Variants in NIBAN3 observed in about 807,000 individuals in gnomAD.
NIBAN3 encodes protein Niban 3.
Under a neutral mutation model 76.4 loss-of-function variants are expected in NIBAN3, and 66 were observed. The ratio of observed to expected loss-of-function variants is 0.86; its 90% CI spans 0.71 to 1.06. The LOEUF is 1.06. Among genes scored for constraint, NIBAN3 ranks in the 50% least tolerant of loss-of-function variants. The pLI is 0.00. For missense variants in NIBAN3, 808 were observed against 810.7 expected, an observed-to-expected ratio of 1.00 and a Z score of 0.04; for synonymous variants, 360 against 355.2, an observed-to-expected ratio of 1.01 and a Z score of -0.15.
chr19:17,527,289 G>A lies in NIBAN3; in HGVS notation c.-52G>A, dbSNP rs1391945774. On this transcript the variant is annotated 5_prime_UTR_variant, in exon 1 of 15. Transcript: ENST00000599164. ...TCCAGGTGCCCCTGAGCCGAGGAAC[G>A]CAGGCGGTGGTCGTGGGGAAGGGAA... is the stretch of plus-strand genomic sequence containing the variant. 1.0e-5 allele frequency: 16 copies of A among 1,550,540 alleles called. No individual in the cohort carries two copies. The highest frequency in any genetic ancestry group is 2.4e-5 in the East Asian group (1 of 40,910).
At chr19:17,539,307 T>G in intron 6 of NIBAN3, 40 bp from the exon 7 acceptor site, 1 of 1,560,694 alleles carries the variant, frequency 6.4e-7, no homozygotes, top group Non-Finnish European at 8.7e-7. Flanking sequence ...CCCAGGACCC[T>G]CCCGGCCGAC....
Position 17,549,531 on chromosome 19 carries a change from G to C in NIBAN3, c.1750+4G>C, listed in dbSNP as rs1286321786. 1.2e-6 allele frequency: 2 copies of C among 1,611,316 alleles called. No homozygotes were observed. Among genetic ancestry groups the C allele is most frequent in the South Asian group, 1.1e-5 (1 of 91,018 alleles). The stretch of plus-strand genomic sequence containing the variant: ...CCATGGGAACAGGAGGGAGCAGGTG[G>C]GGAACTTCACAGGCTTCTGAAACAT... On this transcript the variant is annotated splice_donor_region_variant and intron_variant, in intron 14 of 14. Transcript: ENST00000599164.
At chr19:17,535,583 A>C (rs550982755) in intron 4 of NIBAN3, among the ~76,000 whole-genome samples, 1 of 152,284 alleles carries the variant, frequency 6.6e-6, no homozygotes, top group East Asian at 1.9e-4. Flanking sequence ...CCCCACCTCT[A>C]CTAAAAATAC....
intron 1 of NIBAN3, among the ~76,000 whole-genome samples, chr19:17,530,056 C>CAA (rs201479668): frequency 0.02 from 2,779 of 139,974 alleles, 67 homozygotes; most frequent in African/African-American, 0.051. Flanking sequence ...CACCCTGTCT[C>CAA]AAAAAAAAGA....
intron 9 of NIBAN3, 71 bp downstream of exon 9, chr19:17,540,653 A>C: frequency 1.7e-6 from 2 of 1,165,186 alleles, no homozygotes; most frequent in Middle Eastern, 2.1e-4. Flanking sequence ...CCTGTGGAGA[A>C]TCTTCACTGA....
intron 2 of NIBAN3, among the ~76,000 whole-genome samples, chr19:17,531,383 T>C (rs987812115): frequency 1.4e-5 from 2 of 147,912 alleles, no homozygotes; most frequent in African/African-American, 5.0e-5. Context: ...AACCATTCAC[T>C]GAGCATGTAA....
intron 8 of NIBAN3, 31 bp from the exon 9 acceptor site, chr19:17,540,361 G>A: frequency 7.1e-7 from 1 of 1,409,602 alleles, no homozygotes; most frequent in Non-Finnish European, 9.3e-7. Flanking sequence ...CCTTGCGGAG[G>A]GGACTCCAGA....
intron 9 of NIBAN3, among the ~76,000 whole-genome samples, chr19:17,541,539 T>C (rs1438865273): frequency 1.3e-5 from 2 of 152,200 alleles, no homozygotes; most frequent in African/African-American, 4.8e-5. Context: ...TTCACAGATC[T>C]GGGCCAGGAA....
chr19:17,523,850 G>A (rs534896557), upstream of NIBAN3, among the ~76,000 whole-genome samples: 7 of 152,252 alleles, frequency 4.6e-5, no homozygotes, highest in South Asian at 6.2e-4. Flanking sequence ...CCCGCTGCCC[G>A]GTATCTCCTT....
upstream of NIBAN3, among the ~76,000 whole-genome samples, chr19:17,526,066 CACTTT>C (rs1424113619): frequency 2.7e-5 from 4 of 149,582 alleles, no homozygotes; most frequent in Non-Finnish European, 5.9e-5. Flanking sequence ...AAAAAAAGAA[CACTTT>C]AGGAGGTCAA....
chr19:17,547,101 C>T (rs1213626630), intron 13 of NIBAN3, among the ~76,000 whole-genome samples: 9 of 151,838 alleles, frequency 5.9e-5, no homozygotes, highest in Admixed American at 5.3e-4. Flanking sequence ...ACCTGTAATC[C>T]CAGCACTTTG....
chr19:17,529,842 T>C (rs2075680284), intron 1 of NIBAN3, among the ~76,000 whole-genome samples: 1 of 152,144 alleles, frequency 6.6e-6, no homozygotes, highest in Non-Finnish European at 1.5e-5. Flanking sequence ...GGAGGATTGC[T>C]TGAGGCCAGG....
upstream of NIBAN3, among the ~76,000 whole-genome samples, chr19:17,525,090 C>G (rs992701841): frequency 6.6e-6 from 1 of 152,192 alleles, no homozygotes; most frequent in African/African-American, 2.4e-5. Context: ...CAGGGGCTCC[C>G]TGGGGATCTT....
rs1013033109 is a variant in NIBAN3, at chr19:17,539,279, G to A, written c.711+14G>A. The A allele has an allele frequency of 1.8e-5, 28 of 1,583,964 alleles. No individual in the cohort carries two copies. The highest frequency in any genetic ancestry group is 2.3e-5 in the East Asian group (1 of 43,130). ...TCAGACGCCGAGGTTAGTGCCCCGCGAGGCCGCACCCGGGACCCCCAGGAC... is the reference window on the plus strand; with the variant it reads ...TCAGACGCCGAGGTTAGTGCCCCGCAAGGCCGCACCCGGGACCCCCAGGAC... On this transcript the variant is annotated intron_variant, in intron 6 of 14. Transcript: ENST00000599164.
chr19:17,526,330 C>T (rs1191302877), upstream of NIBAN3, among the ~76,000 whole-genome samples: 1 of 150,720 alleles, frequency 6.6e-6, no homozygotes, highest in Admixed American at 6.6e-5. Flanking sequence ...AAAAAAAGGA[C>T]ACCTTTAAGA....
chr19:17,550,350 G>A (rs1370081543), intron 14 of NIBAN3, among the ~76,000 whole-genome samples: 3 of 152,086 alleles, frequency 2.0e-5, no homozygotes, highest in Non-Finnish European at 4.4e-5. Context: ...CACTAACTTG[G>A]ATAAATAGTT....
At position 17,539,720 on chromosome 19, in the gene NIBAN3, G is replaced by C; in HGVS notation, c.934G>C (p.Asp312His). The C allele has an allele frequency of 6.5e-7, 1 of 1,545,600 alleles. No individual in the cohort carries two copies. The highest frequency in any genetic ancestry group is 8.7e-7 in the Non-Finnish European group (1 of 1,146,442). ...SLEKTIRPDV[D>H]QLLRQRARVA... is the part of the protein sequence containing the mutation. ...GGAGAAGACGATCCGCCCGGACGTGGACCAGCTGCTGCGGCAGCGGGCGCG... is the reference window on the plus strand; with the variant it reads ...GGAGAAGACGATCCGCCCGGACGTGCACCAGCTGCTGCGGCAGCGGGCGCG... The change falls in exon 8 of 15, where the codon GAC (aspartate) becomes CAC (histidine). Residue 312 changes from aspartate (D) to histidine (H), a missense_variant. Asp to His is a moderately conservative substitution (Grantham distance 81). Transcript: ENST00000599164.
chr19:17,552,629 C>T lies in NIBAN3; in HGVS notation c.*731C>T, dbSNP rs149190134. 2.6e-5 allele frequency: 4 copies of T among 152,016 alleles called. No homozygotes were observed. Among genetic ancestry groups the T allele is most frequent in the African/African-American group, 9.7e-5 (4 of 41,374 alleles). The allele number at this position is 152,016 out of a possible 1,614,324, so 9.4% of individuals were successfully genotyped here. A position where few individuals can be genotyped will look rare whatever the true frequency, so the allele number is the denominator to read the frequency against. Reference sequence around the variant, plus strand: ...TTTGAATTTCTTTGACTAAATTGAACTTACAAATAAGTTTATTATGGCCAG... The same window carrying T: ...TTTGAATTTCTTTGACTAAATTGAATTTACAAATAAGTTTATTATGGCCAG... On this transcript the variant is annotated 3_prime_UTR_variant, in exon 15 of 15. Coordinates refer to ENST00000599164, the MANE Select transcript of NIBAN3 (RefSeq NM_001321827.2).
chr19:17,524,446 C>T (rs1323618578), upstream of NIBAN3, among the ~76,000 whole-genome samples: 1 of 151,304 alleles, frequency 6.6e-6, no homozygotes, highest in Admixed American at 6.6e-5. Context: ...CCACAACGCC[C>T]GCTATTTTTT....
Sources: gnomAD v4.1 joint callset for allele counts (sites outside exome capture counted in the v4.1 genomes callset) on GRCh38, gnomAD v4.1.1 for gene constraint, MANE v1.5 for transcripts, NCBI Gene and HGNC (gene_info 2026-07-23, HGNC 2026-07-21) for gene names.